Variants in CTNNA3 observed in about 807,000 individuals in gnomAD.
The protein encoded by CTNNA3 is catenin alpha-3.
Under a neutral mutation model 95.7 loss-of-function variants are expected in CTNNA3, and 76 were observed. The ratio of observed to expected loss-of-function variants is 0.79; its 90% CI spans 0.66 to 0.96. CTNNA3 has a LOEUF of 0.96. Among genes scored for constraint, CTNNA3 ranks in the 40% least tolerant of loss-of-function variants. The probability of loss-of-function intolerance (pLI) is 0.00; values close to 1 mark genes in which losing one functional copy is unlikely to be tolerated. For missense variants in CTNNA3, 1,191 were observed against 1,089.8 expected, an observed-to-expected ratio of 1.09 and a Z score of -1.31; for synonymous variants, 431 against 374.4, an observed-to-expected ratio of 1.15 and a Z score of -1.74.
chr10:67,348,688 G>C (rs1842527165), intron 5 of CTNNA3, among the ~76,000 whole-genome samples: 1 of 152,056 alleles, frequency 6.6e-6, no homozygotes, highest in Non-Finnish European at 1.5e-5. Context: ...GTTACTGCAA[G>C]GACAGCACCA....
At chr10:66,285,000 T>C (rs2091560713) in intron 12 of CTNNA3, among the ~76,000 whole-genome samples, 1 of 151,886 alleles carries the variant, frequency 6.6e-6, no homozygotes, top group South Asian at 2.1e-4. Context: ...GAGCCAATAT[T>C]ATGTATCAAG....
chr10:66,198,290 A>C (rs528950051), intron 13 of CTNNA3, among the ~76,000 whole-genome samples: 3 of 152,254 alleles, frequency 2.0e-5, no homozygotes, highest in Non-Finnish European at 4.4e-5. Context: ...ATGAGATCTG[A>C]AGAAAGAGCC....
intron 1 of CTNNA3, among the ~76,000 whole-genome samples, chr10:67,754,930 T>C (rs775633306): frequency 7.9e-5 from 12 of 152,048 alleles, no homozygotes; most frequent in Non-Finnish European, 1.6e-4. Flanking sequence ...GGACATGGTG[T>C]CTCAAGCCTG....
chr10:67,045,459 C>G (rs556259932), intron 7 of CTNNA3, among the ~76,000 whole-genome samples: 1 of 151,678 alleles, frequency 6.6e-6, no homozygotes, highest in African/African-American at 2.4e-5. Flanking sequence ...TTTTACAAAC[C>G]CTTGTGTTGC....
chr10:66,259,337 C>T (rs1214344239), intron 13 of CTNNA3, among the ~76,000 whole-genome samples: 1 of 152,074 alleles, frequency 6.6e-6, no homozygotes, highest in African/African-American at 2.4e-5. Context: ...GACCTGGGGC[C>T]CCTCTTCACT....
chr10:67,661,192 A>G (rs983617554), intron 1 of CTNNA3, among the ~76,000 whole-genome samples: 3 of 152,002 alleles, frequency 2.0e-5, no homozygotes, highest in African/African-American at 7.2e-5. Context: ...TATAAAAATA[A>G]AAAGTGATGT....
rs540096376 is a variant in CTNNA3, at chr10:66,433,438, A to G, written c.1532-54086T>C. On this transcript the variant is annotated intron_variant, in intron 11 of 17. Transcript: ENST00000433211. ...TTTTTCATGTTTGTTGGCTGCATAAATGTCTTCTTTTGAGAAGTGTCTGTT... is the reference window on the plus strand; with the variant it reads ...TTTTTCATGTTTGTTGGCTGCATAAGTGTCTTCTTTTGAGAAGTGTCTGTT... 3.3e-5 allele frequency among the ~76,000 whole-genome samples: 5 copies of G among 152,316 alleles called. No individual in the cohort carries two copies. In the East Asian group the frequency reaches 5.8e-4, roughly 18 times the overall value.
chr10:66,845,703 C>CAAAAAAAAAAAAAAACAAAAAAAAAAAAA (rs1843224076), intron 7 of CTNNA3, among the ~76,000 whole-genome samples: 2 of 23,546 alleles, frequency 8.5e-5, no homozygotes, highest in Non-Finnish European at 1.2e-4. Flanking sequence ...AACTCTGTCT[C>CAAAAAAAAAAAAAAACAAAAAAAAAAAAA]AAAAAAAAAA....
intron 11 of CTNNA3, among the ~76,000 whole-genome samples, chr10:66,431,117 T>C (rs549259399): frequency 6.6e-6 from 1 of 150,668 alleles, no homozygotes; most frequent in Admixed American, 6.6e-5. Flanking sequence ...AAATAAGACA[T>C]TTATGCAGCC....
At chr10:67,524,411 AAAAAAAAAAG>A (rs1460196354) in intron 4 of CTNNA3, among the ~76,000 whole-genome samples, 2 of 142,930 alleles carry the variant, frequency 1.4e-5, no homozygotes, top group African/African-American at 2.6e-5. Flanking sequence ...AAAAAAAAAA[AAAAAAAAAAG>A]AGTGTTCAAA....
chr10:66,420,835 A>AAATAAATTAATTAATTAATTAATT (rs751801209), intron 11 of CTNNA3, among the ~76,000 whole-genome samples: 1 of 92,994 alleles, frequency 1.1e-5, no homozygotes, highest in African/African-American at 4.0e-5. Context: ...ATAAATAAAT[A>AAATAAATTAATTAATTAATTAATT]AATAAAAAAC....
At chr10:67,743,703 A>G (rs1342945950) in intron 1 of CTNNA3, among the ~76,000 whole-genome samples, 3 of 151,290 alleles carry the variant, frequency 2.0e-5, no homozygotes, top group African/African-American at 7.3e-5. Flanking sequence ...GAAAAGAGGA[A>G]GTTAAATTGT....
At chr10:66,519,672 TG>T (rs1840988864) in intron 11 of CTNNA3, among the ~76,000 whole-genome samples, 1 of 152,186 alleles carries the variant, frequency 6.6e-6, no homozygotes, top group Non-Finnish European at 1.5e-5. Flanking sequence ...GTCCCACTTT[TG>T]CTTCAATTTG....
At chr10:66,303,552 G>T (rs2091892699) in intron 12 of CTNNA3, among the ~76,000 whole-genome samples, 1 of 151,932 alleles carries the variant, frequency 6.6e-6, no homozygotes, top group East Asian at 1.9e-4. Context: ...TAATTGGTTA[G>T]GCATATGAAG....
chr10:66,015,810 A>G (rs2133406332), intron 15 of CTNNA3, among the ~76,000 whole-genome samples: 1 of 152,332 alleles, frequency 6.6e-6, no homozygotes, highest in Middle Eastern at 3.4e-3. Flanking sequence ...CATATAACAC[A>G]CATTGCTAAT....
At chr10:66,574,470 G>T (rs543814398) in intron 10 of CTNNA3, among the ~76,000 whole-genome samples, 3 of 151,896 alleles carry the variant, frequency 2.0e-5, no homozygotes, top group Non-Finnish European at 4.4e-5. Context: ...AATTTAAAAA[G>T]AAATTAGAAT....
At chr10:67,177,193 C>T (rs956958585) in intron 7 of CTNNA3, among the ~76,000 whole-genome samples, 1 of 152,154 alleles carries the variant, frequency 6.6e-6, no homozygotes, top group African/African-American at 2.4e-5. Context: ...TCATTTCTTG[C>T]TAATTTCTTC....
intron 11 of CTNNA3, among the ~76,000 whole-genome samples, chr10:66,511,992 A>G (rs1840678467): frequency 6.6e-6 from 1 of 151,822 alleles, no homozygotes; most frequent in Non-Finnish European, 1.5e-5. Context: ...CTATTATTAC[A>G]TTGGTGTCTC....
intron 17 of CTNNA3, among the ~76,000 whole-genome samples, chr10:65,964,616 C>T (rs1257640955): frequency 6.6e-6 from 1 of 152,160 alleles, no homozygotes; most frequent in East Asian, 1.9e-4. Context: ...GAACTTCTAC[C>T]ACAGATTTTT....
Sources: allele counts gnomAD v4.1 joint callset (sites outside exome capture counted in the v4.1 genomes callset), GRCh38; gene constraint gnomAD v4.1.1; transcripts MANE v1.5; gene names NCBI Gene and HGNC (gene_info 2026-07-23, HGNC 2026-07-21).